The following CTNNA3 variants were observed in gnomAD, a reference collection of about 807,000 sequenced individuals.
The protein encoded by CTNNA3 is catenin alpha-3.
A neutral mutation model predicts 95.7 loss-of-function variants in CTNNA3; 76 were observed. The ratio of observed to expected loss-of-function variants is 0.79; its 90% CI spans 0.66 to 0.96. The LOEUF is 0.96. Among genes scored for constraint, CTNNA3 ranks in the 40% least tolerant of loss-of-function variants. CTNNA3 has a pLI of 0.00. For synonymous variants in CTNNA3, 431 were observed against 374.4 expected (o/e 1.15, Z -1.74); for missense variants, 1,191 against 1,089.8 (o/e 1.09, Z -1.31).
At chr10:67,372,191 G>A (rs1319931410) in intron 5 of CTNNA3, among the ~76,000 whole-genome samples, 2 of 152,122 alleles carry the variant, frequency 1.3e-5, no homozygotes, top group Non-Finnish European at 2.9e-5. Context: ...TATTCACTCT[G>A]ATGGTATTTT....
upstream of CTNNA3, among the ~76,000 whole-genome samples, chr10:67,698,486 T>C (rs1439588628): frequency 6.6e-6 from 1 of 152,200 alleles, no homozygotes; most frequent in African/African-American, 2.4e-5. Context: ...TAGCCTCTCT[T>C]GGAAAATAAA....
chr10:66,382,196 A>C (rs796569099), intron 11 of CTNNA3, among the ~76,000 whole-genome samples: 1 of 152,152 alleles, frequency 6.6e-6, no homozygotes, highest in South Asian at 2.1e-4. Context: ...GCCATGACAG[A>C]CTACCTGGAA....
intron 13 of CTNNA3, among the ~76,000 whole-genome samples, chr10:66,115,586 T>TAGATAGATAG (rs1554853307): frequency 3.4e-5 from 4 of 118,036 alleles, no homozygotes; most frequent in South Asian, 2.9e-4. Context: ...AGATGATAGA[T>TAGATAGATAG]AGATAGAGAT....
intron 14 of CTNNA3, among the ~76,000 whole-genome samples, chr10:66,094,099 C>T (rs990453204): frequency 2.6e-5 from 4 of 152,068 alleles, no homozygotes; most frequent in African/African-American, 7.2e-5. Context: ...CTATCTCAGA[C>T]TTGCGTATCA....
intron 13 of CTNNA3, among the ~76,000 whole-genome samples, chr10:66,227,373 G>A (rs1009970139): frequency 7.4e-4 from 42 of 56,510 alleles, no homozygotes; most frequent in African/African-American, 1.8e-3. Flanking sequence ...TTGTTAAGAG[G>A]TGTTTTTTTT....
intron 10 of CTNNA3, among the ~76,000 whole-genome samples, chr10:66,605,480 A>G (rs1844086386): frequency 6.6e-6 from 1 of 152,116 alleles, no homozygotes; most frequent in African/African-American, 2.4e-5. Context: ...ATACTTCACA[A>G]GAAGATCGCT....
intron 13 of CTNNA3, among the ~76,000 whole-genome samples, chr10:66,262,059 C>CA (rs954285119): frequency 4.6e-5 from 7 of 151,076 alleles, no homozygotes; most frequent in African/African-American, 1.2e-4. Flanking sequence ...ACATATTGGG[C>CA]AAAAAAAACC....
chr10:67,597,182 G>T (rs1842957310), intron 3 of CTNNA3, among the ~76,000 whole-genome samples: 1 of 152,156 alleles, frequency 6.6e-6, no homozygotes, highest in Non-Finnish European at 1.5e-5. Context: ...GGATTCCTTA[G>T]ATTCCTTGGA....
At chr10:67,019,938 G>A (rs1162415707) in intron 7 of CTNNA3, among the ~76,000 whole-genome samples, 2 of 152,106 alleles carry the variant, frequency 1.3e-5, no homozygotes, top group Admixed American at 1.3e-4. Flanking sequence ...TATGAAATAA[G>A]AACGTCACTT....
intron 5 of CTNNA3, among the ~76,000 whole-genome samples, chr10:67,363,524 A>T (rs923368289): frequency 2.0e-5 from 3 of 152,112 alleles, no homozygotes. Context: ...CAATGAATCC[A>T]GGAGCTGGTT....
intron 3 of CTNNA3, among the ~76,000 whole-genome samples, chr10:67,576,515 G>C (rs1017382471): frequency 6.6e-6 from 1 of 151,382 alleles, no homozygotes; most frequent in Non-Finnish European, 1.5e-5. Context: ...GTAATTATAA[G>C]AGTGTTCTCT....
At chr10:67,389,746 T>A (rs1844373705) in intron 5 of CTNNA3, among the ~76,000 whole-genome samples, 1 of 151,138 alleles carries the variant, frequency 6.6e-6, no homozygotes, top group African/African-American at 2.4e-5. Flanking sequence ...GAACTCAGGA[T>A]TAAGAATCTC....
At chr10:67,216,820 T>C (rs1864387187) in intron 6 of CTNNA3, among the ~76,000 whole-genome samples, 1 of 152,234 alleles carries the variant, frequency 6.6e-6, no homozygotes, top group Non-Finnish European at 1.5e-5. Flanking sequence ...CTTGGAATTT[T>C]CAAAGCAATT....
intron 11 of CTNNA3, 128 bp from the exon 12 acceptor site, chr10:66,379,480 G>C (rs375914255): frequency 3.9e-6 from 3 of 768,928 alleles, no homozygotes. Context: ...AAGACTTTGA[G>C]AATTATAAAA....
At chr10:66,926,059 T>C (rs1373989423) in intron 7 of CTNNA3, 1 of 457,234 alleles carries the variant, frequency 2.2e-6, no homozygotes, top group Admixed American at 2.3e-5. Context: ...GCTTTCAGAA[T>C]GACAGTCTGC....
At chr10:66,243,699 T>C (rs1431349268) in intron 13 of CTNNA3, among the ~76,000 whole-genome samples, 1 of 152,206 alleles carries the variant, frequency 6.6e-6, no homozygotes, top group East Asian at 1.9e-4. Flanking sequence ...GTACATGTTT[T>C]CAGAGTCTCC....
intron 7 of CTNNA3, among the ~76,000 whole-genome samples, chr10:66,801,209 G>A (rs1327456433): frequency 1.3e-5 from 2 of 151,262 alleles, no homozygotes; most frequent in Non-Finnish European, 3.0e-5. Flanking sequence ...CTCACACATC[G>A]TGATTTACAG....
intron 11 of CTNNA3, among the ~76,000 whole-genome samples, chr10:66,450,260 G>T (rs1278574049): frequency 3.9e-5 from 6 of 152,086 alleles, no homozygotes; most frequent in Non-Finnish European, 4.4e-5. Flanking sequence ...TAAGTCACAT[G>T]CTAGAAGAGT....
At chr10:66,534,011 A>C (rs1213278233) in intron 10 of CTNNA3, among the ~76,000 whole-genome samples, 1 of 152,152 alleles carries the variant, frequency 6.6e-6, no homozygotes, top group African/African-American at 2.4e-5. Flanking sequence ...TCAACAGCAA[A>C]GTGTTCATCA....
Sources: allele counts gnomAD v4.1 joint callset (sites outside exome capture counted in the v4.1 genomes callset), GRCh38; gene constraint gnomAD v4.1.1; transcripts MANE v1.5; gene names NCBI Gene and HGNC (gene_info 2026-07-23, HGNC 2026-07-21).